The following MYADM variants were observed in gnomAD, a reference collection of about 807,000 sequenced individuals.
MYADM encodes the protein myeloid-associated differentiation marker.
For missense variants in MYADM, 416 were observed against 443.4 expected (o/e 0.94, Z 0.56); for synonymous variants, 224 against 210.2 (o/e 1.07, Z -0.57).
rs544146167 is a variant in MYADM at position 53,875,290 on chromosome 19, G to T, written c.*792G>T. The T allele has an allele frequency of 4.7e-4, 79 of 166,630 alleles. No homozygotes were observed. Among genetic ancestry groups the T allele is most frequent in the Non-Finnish European group, 1.6e-4 (11 of 68,318 alleles). 10.3% of individuals were successfully genotyped at this position (166,630 alleles called of 1,614,324 possible). On this transcript the variant is annotated 3_prime_UTR_variant, in exon 3 of 3. Coordinates refer to ENST00000391770, the MANE Select transcript of MYADM (RefSeq NM_138373.5). ...GCCCTCTTTCTCCCAGTGGAGGAAG[G>T]TGTGCAGTGTACTTCCCCTTTAAAT...
At position 53,874,231 on chromosome 19, in the gene MYADM, C is replaced by A. The variant is rs754016935; in HGVS notation, c.702C>A (p.Ile234=). ...NLGECTNVLP[I]PFPSFLSGLA... ...GGGAGTGCACCAACGTGCTACCCAT[C>A]CCCTTCCCCAGCTTCCTGTCGGGGC... Residue 234 remains isoleucine (I), a synonymous_variant, in exon 3 of 3, where the codon ATC becomes ATA. Coordinates refer to ENST00000391770, the MANE Select transcript of MYADM (RefSeq NM_138373.5). 4 of 1,611,428 alleles carry A rather than the reference C, an allele frequency of 2.5e-6. No individual in the cohort carries two copies. Among genetic ancestry groups the A allele is most frequent in the Non-Finnish European group, 3.4e-6 (4 of 1,178,204 alleles).
At position 53,868,406 on chromosome 19, in the gene MYADM, A is replaced by G. The variant is rs1002856843; in HGVS notation, c.-88+463A>G. 1.3e-5 allele frequency among the ~76,000 whole-genome samples: 2 copies of G among 151,348 alleles called. No individual in the cohort carries two copies. Among genetic ancestry groups the G allele is most frequent in the African/African-American group, 4.8e-5 (2 of 41,266 alleles). On this transcript the variant is annotated intron_variant, in intron 1 of 2. Coordinates refer to ENST00000391770, the MANE Select transcript of MYADM (RefSeq NM_138373.5). The surrounding 1 kb of genome is among the most constrained non-coding windows in gnomAD (Gnocchi z 6.3). ...TACGTGGAGGTCCTTTAGGAGGGGAAGCGCTTAGGGTTAGGTGTCCTGGGT... is the reference window on the plus strand; with the variant it reads ...TACGTGGAGGTCCTTTAGGAGGGGAGGCGCTTAGGGTTAGGTGTCCTGGGT...
At chr19:53,867,438 T>G (rs1599905727), upstream of MYADM, among the ~76,000 whole-genome samples, 19 of 121,444 alleles carry the variant, frequency 1.6e-4, no homozygotes, top group Non-Finnish European at 1.6e-4. Context: ...AAGGAGGGGG[T>G]AGGAAGGGAG....
At chr19:53,870,168 G>C (rs1599914242) in intron 2 of MYADM, among the ~76,000 whole-genome samples, 1 of 109,494 alleles carries the variant, frequency 9.1e-6, no homozygotes. Flanking sequence ...CTGGGCTCCT[G>C]GGTCCGAGGG....
Position 53,874,114 on chromosome 19 carries a change from C to T in MYADM, c.585C>T (p.Asn195=). The T allele has an allele frequency of 1.2e-6, 2 of 1,613,078 alleles. No homozygotes were observed. Among genetic ancestry groups the T allele is most frequent in the Non-Finnish European group, 1.7e-6 (2 of 1,180,040 alleles). The part of the protein sequence containing the change: ...CIIFAFISDP[N]LYQHQPALEW... ...TCTTCGCGTTCATCAGCGACCCCAA[C>T]CTGTACCAGCACCAGCCGGCCCTGG... Residue 195 remains asparagine (N), a synonymous_variant, in exon 3 of 3, where the codon AAC becomes AAT. Coordinates refer to ENST00000391770, the MANE Select transcript of MYADM (RefSeq NM_138373.5).
Position 53,875,754 on chromosome 19 carries a change from A to G in MYADM, c.*1256A>G, listed in dbSNP as rs572268449. The G allele has an allele frequency of 6.5e-6, 1 of 154,790 alleles. No individual in the cohort carries two copies. The highest frequency in any genetic ancestry group is 1.9e-4 in the East Asian group (1 of 5,174). The allele number at this position is 154,790 out of a possible 1,614,324, so 9.6% of individuals were successfully genotyped here. A position where few individuals can be genotyped will look rare whatever the true frequency, so the allele number is the denominator to read the frequency against. On this transcript the variant is annotated 3_prime_UTR_variant, in exon 3 of 3. Transcript: ENST00000391770. Reference sequence around the variant, plus strand: ...ATCCCAGGTATTTGGGGGGACTGAGACAGGAGAATCCCTTCAACCCGGGAG... The same window carrying G: ...ATCCCAGGTATTTGGGGGGACTGAGGCAGGAGAATCCCTTCAACCCGGGAG...
At chr19:53,865,913 C>T (rs1158238324), upstream of MYADM, 1 of 152,068 alleles carries the variant, frequency 6.6e-6, no homozygotes, top group Non-Finnish European at 1.5e-5. Flanking sequence ...CACCATGTCC[C>T]GACTCCCTAT....
Position 53,873,634 on chromosome 19 carries a change from C to T in MYADM, c.105C>T (p.Pro35=), listed in dbSNP as rs775461939. The stretch of plus-strand genomic sequence containing the variant: ...GGTCCCCTCGGGCCCTGACACAGCC[C>T]CTGGGTCTCCTTCGCCTGCTGCAGC... ...IVGSPRALTQ[P]LGLLRLLQLV... The change falls in exon 3 of 3, where the codon CCC becomes CCT. Residue 35 remains proline, a synonymous_variant. Coordinates refer to ENST00000391770, the MANE Select transcript of MYADM (RefSeq NM_138373.5). The surrounding 1 kb of genome is among the most constrained non-coding windows in gnomAD (Gnocchi z 4.3). The T allele has an allele frequency of 3.7e-6, 6 of 1,614,180 alleles. No individual in the cohort carries two copies. Among genetic ancestry groups the T allele is most frequent in the Non-Finnish European group, 4.2e-6 (5 of 1,180,042 alleles).
upstream of MYADM, among the ~76,000 whole-genome samples, chr19:53,867,228 G>A (rs892917520): frequency 1.3e-5 from 2 of 152,160 alleles, no homozygotes; most frequent in African/African-American, 2.4e-5. Context: ...TTCTTGGGGA[G>A]ACCCATCAGT....
rs2068484029 is a variant in MYADM at position 53,874,590 on chromosome 19, C to T, written c.*92C>T. 1 of 1,411,856 alleles carries T rather than the reference C, an allele frequency of 7.1e-7. No individual in the cohort carries two copies. The highest frequency in any genetic ancestry group is 1.5e-5 in the South Asian group (1 of 66,156). The allele number at this position is 1,411,856 out of a possible 1,614,324, so 87.5% of individuals were successfully genotyped here. A position where few individuals can be genotyped will look rare whatever the true frequency, so the allele number is the denominator to read the frequency against. On this transcript the variant is annotated 3_prime_UTR_variant, in exon 3 of 3. Transcript: ENST00000391770. ...GGAGTACTTCTTTCCTCCGCCTTTC[C>T]TCTGTTTTCCTCTTCCTGTCTCCCC...
chr19:53,873,506 A>G lies in MYADM; in HGVS notation c.-2-22A>G. 6.3e-7 allele frequency: 1 copy of G among 1,577,970 alleles called. No homozygotes were observed. Among genetic ancestry groups the G allele is most frequent in the Non-Finnish European group, 8.6e-7 (1 of 1,161,092 alleles). ...CTTATGTTTGTGACTGTATAAGGACACTGTCTTTCCCCTTTTTGCAGCCAT... is the reference window on the plus strand; with the variant it reads ...CTTATGTTTGTGACTGTATAAGGACGCTGTCTTTCCCCTTTTTGCAGCCAT... On this transcript the variant is annotated intron_variant, in intron 2 of 2. Coordinates refer to ENST00000391770, the MANE Select transcript of MYADM (RefSeq NM_138373.5). This position sits in a 1 kb window ranked among gnomAD's most constrained non-coding sequence, Gnocchi z 4.3.
Position 53,874,048 on chromosome 19 carries a change from C to T in MYADM, c.519C>T (p.Pro173=), listed in dbSNP as rs780298853. The change falls in exon 3 of 3, where the codon CCC becomes CCT. Residue 173 remains proline (P), a synonymous_variant. Transcript: ENST00000391770. ...GEITGYMATV[P]GLLKVLETFV... is the part of the protein sequence containing the mutation. ...TCACTGGCTATATGGCCACCGTACCCGGGCTGCTGAAGGTGCTGGAGACCT... is the reference window on the plus strand; with the variant it reads ...TCACTGGCTATATGGCCACCGTACCTGGGCTGCTGAAGGTGCTGGAGACCT... 6.8e-6 allele frequency: 11 copies of T among 1,609,728 alleles called. No homozygotes were observed. In the South Asian group the frequency reaches 8.8e-5, roughly 13 times the overall value.
rs2068296080 is a variant in MYADM at position 53,868,847 on chromosome 19, T to TCCCCTCCCCTCCCCTCGGCGCGCC, written c.-87-896_-87-873dup. 1 of 149,326 alleles carries TCCCCTCCCCTCCCCTCGGCGCGCC rather than the reference T, an allele frequency of 6.7e-6. No homozygotes were observed. Among genetic ancestry groups the TCCCCTCCCCTCCCCTCGGCGCGCC allele is most frequent in the Non-Finnish European group, 1.5e-5 (1 of 67,410 alleles). The allele number at this position is 149,326 out of a possible 1,614,324, so 9.3% of individuals were successfully genotyped here. A position where few individuals can be genotyped will look rare whatever the true frequency, so the allele number is the denominator to read the frequency against. On this transcript the variant is annotated intron_variant, in intron 1 of 2. Coordinates refer to ENST00000391770, the MANE Select transcript of MYADM (RefSeq NM_138373.5). This position sits in a 1 kb window ranked among gnomAD's most constrained non-coding sequence, Gnocchi z 6.3. Reference sequence around the variant, plus strand: ...AGGCCCTAAGGGCGGGGTGGACCCCTCCCCTCCCCTCCCCTCGGCGCGCCC... The same window carrying TCCCCTCCCCTCCCCTCGGCGCGCC: ...AGGCCCTAAGGGCGGGGTGGACCCCTCCCCTCCCCTCCCCTCGGCGCGCCCCCCTCCCCTCCCCTCGGCGCGCCC...
chr19:53,875,005 T>G lies in MYADM; in HGVS notation c.*507T>G, dbSNP rs533933651. The G allele has an allele frequency of 6.0e-6, 1 of 167,190 alleles. No individual in the cohort carries two copies. The highest frequency in any genetic ancestry group is 1.9e-4 in the East Asian group (1 of 5,190). The allele number at this position is 167,190 out of a possible 1,614,324, so 10.4% of individuals were successfully genotyped here. ...TCTGGGTTGCCTGTCGGCTTTCTTA[T>G]CTGCCTGTTTTGCAAGCACCTTCTC... On this transcript the variant is annotated 3_prime_UTR_variant, in exon 3 of 3. Transcript: ENST00000391770.
At position 53,873,695 on chromosome 19, in the gene MYADM, AGCGTGGGC is replaced by A. The variant is rs751364927; in HGVS notation, c.169_176del (p.Val57LeufsTer206). 1.5e-5 allele frequency: 25 copies of A among 1,613,814 alleles called. No homozygotes were observed. The highest frequency in any genetic ancestry group is 1.9e-5 in the Non-Finnish European group (23 of 1,179,992). The stretch of plus-strand genomic sequence containing the variant: ...CTGCGTGGCCTTCTCGCTGGTGGCT[AGCGTGGGC>A]GCCTGGACGGGGTCCATGGGCAACT... On this transcript the variant is annotated frameshift_variant, in exon 3 of 3. Transcript: ENST00000391770. LOFTEE classifies it low-confidence loss of function (END_TRUNC). The surrounding 1 kb of genome is among the most constrained non-coding windows in gnomAD (Gnocchi z 4.3).
At position 53,874,660 on chromosome 19, in the gene MYADM, C is replaced by T; in HGVS notation, c.*162C>T. 1 of 741,624 alleles carries T rather than the reference C, an allele frequency of 1.3e-6. No homozygotes were observed. 45.9% of individuals were successfully genotyped at this position (741,624 alleles called of 1,614,324 possible). A position where few individuals can be genotyped will look rare whatever the true frequency, so the allele number is the denominator to read the frequency against. ...TCCTTCCCAATTCCTTGCACTCTAA[C>T]CAGTTCTTGGATGCATCTTCTTCCT... On this transcript the variant is annotated 3_prime_UTR_variant, in exon 3 of 3. Coordinates refer to ENST00000391770, the MANE Select transcript of MYADM (RefSeq NM_138373.5).
chr19:53,872,277 C>G (rs971003963), intron 2 of MYADM, among the ~76,000 whole-genome samples: 4 of 152,080 alleles, frequency 2.6e-5, no homozygotes, highest in African/African-American at 9.7e-5. Context: ...CTCACTGCAA[C>G]CTCTGCCTCC....
chr19:53,867,487 G>A (rs1342159069), upstream of MYADM, among the ~76,000 whole-genome samples: 1 of 152,044 alleles, frequency 6.6e-6, no homozygotes, highest in Admixed American at 6.6e-5. Context: ...GCGGGGACCT[G>A]AGCTGGGGGG....
Position 53,873,888 on chromosome 19 carries a change from A to G in MYADM, c.359A>G (p.Tyr120Cys), listed in dbSNP as rs748040595. Reference protein sequence around the residue: ...ALFCLSASIIYPTTYVQFLSH... With the variant: ...ALFCLSASIICPTTYVQFLSH... The stretch of plus-strand genomic sequence containing the variant: ...TTCTGCCTCTCGGCCTCCATCATCT[A>G]CCCCACCACCTATGTCCAGTTCCTG... Residue 120 changes from tyrosine to cysteine, a missense_variant, in exon 3 of 3, where the codon TAC (tyrosine) becomes TGC (cysteine). Coordinates refer to ENST00000391770, the MANE Select transcript of MYADM (RefSeq NM_138373.5). This position sits in a 1 kb window ranked among gnomAD's most constrained non-coding sequence, Gnocchi z 4.3. The G allele has an allele frequency of 6.2e-7, 1 of 1,612,216 alleles. No homozygotes were observed. The highest frequency in any genetic ancestry group is 1.1e-5 in the South Asian group (1 of 91,016).
Sources: gnomAD v4.1 joint callset for allele counts (sites outside exome capture counted in the v4.1 genomes callset) on GRCh38, gnomAD v4.1.1 for gene constraint, Gnocchi (gnomAD v3.1) non-coding constraint, MANE v1.5 for transcripts, NCBI Gene and HGNC (gene_info 2026-07-23, HGNC 2026-07-21) for gene names.